The following PCSK9 variants were observed in gnomAD, a reference collection of about 807,000 sequenced individuals.
PCSK9 encodes the protein convertase subtilisin/kexin type 9 preproprotein.
Under a neutral mutation model 62.1 loss-of-function variants are expected in PCSK9, and 57 were observed. That is an observed-to-expected ratio of 0.92 (90% CI 0.74 to 1.14). The LOEUF is 1.14. PCSK9 is among the 50% of genes most tolerant of loss of function. PCSK9 has a pLI of 0.00. For missense variants in PCSK9, 870 were observed against 959.8 expected (o/e 0.91, Z 1.24); for synonymous variants, 387 against 409.4 (o/e 0.95, Z 0.66).
intron 11 of PCSK9, among the ~76,000 whole-genome samples, chr1:55,062,177 G>A (rs747243416): frequency 2.5e-4 from 38 of 152,380 alleles, no homozygotes; most frequent in Non-Finnish European, 5.0e-4. Context: ...CCAAGCCCTG[G>A]AATGTGACAG....
chr1:55,058,732 T>C, intron 9 of PCSK9, 85 bp downstream of exon 9: 1 of 1,539,044 alleles, frequency 6.5e-7, no homozygotes. Flanking sequence ...TGCTGGGCCC[T>C]CAGGGACCCC....
In PCSK9 at chr1:55,044,533, G is replaced by C. The variant is rs192624952; in HGVS notation, c.399+499G>C. On this transcript the variant is annotated intron_variant, in intron 2 of 11. Coordinates refer to ENST00000302118, the MANE Select transcript of PCSK9 (RefSeq NM_174936.4). ...CCTCCCTCCTGGATGTCACATCTTCGGTGGAGGGGCAGAAAGGGGACTGGG... is the reference window on the plus strand; with the variant it reads ...CCTCCCTCCTGGATGTCACATCTTCCGTGGAGGGGCAGAAAGGGGACTGGG... Among the ~76,000 whole-genome samples, 19 of 152,220 alleles carry C rather than the reference G, an allele frequency of 1.2e-4. No homozygotes were observed. The East Asian group carries it at 3.7e-3, about 29-fold the overall frequency.
chr1:55,044,522 G>A (rs1644619820), intron 2 of PCSK9, among the ~76,000 whole-genome samples: 1 of 152,148 alleles, frequency 6.6e-6, no homozygotes, highest in Admixed American at 6.5e-5. Flanking sequence ...CCTCCTGGAT[G>A]TCACATCTTC....
At chr1:55,056,884 G>A (rs1296073062) in intron 6 of PCSK9, among the ~76,000 whole-genome samples, 1 of 152,116 alleles carries the variant, frequency 6.6e-6, no homozygotes, top group African/African-American at 2.4e-5. Flanking sequence ...CGCGCGCGTT[G>A]GGGGTGGGGG....
chr1:55,058,076 C>G lies in PCSK9; in HGVS notation c.1221C>G (p.Thr407=), dbSNP rs1473469237. The G allele has an allele frequency of 1.2e-6, 2 of 1,613,774 alleles. No homozygotes were observed. Among genetic ancestry groups the G allele is most frequent in the Non-Finnish European group, 1.7e-6 (2 of 1,180,034 alleles). ...TGCTGTCTGCCGAGCCGGAGCTCACCCTGGCCGAGTTGAGGCAGAGACTGA... is the reference window on the plus strand; with the variant it reads ...TGCTGTCTGCCGAGCCGGAGCTCACGCTGGCCGAGTTGAGGCAGAGACTGA... ...AMMLSAEPEL[T]LAELRQRLIH... The change falls in exon 8 of 12, where the codon ACC becomes ACG. Residue 407 remains threonine (T), a synonymous_variant. Transcript: ENST00000302118.
Position 55,043,911 on chromosome 1 carries a change from G to A in PCSK9, c.276G>A (p.Glu92=), listed in dbSNP as rs147865087. The part of the protein sequence containing the change: ...LKEETHLSQS[E]RTARRLQAQA... Reference sequence around the variant, plus strand: ...AGGAGACCCACCTCTCGCAGTCAGAGCGCACTGCCCGCCGCCTGCAGGCCC... The same window carrying A: ...AGGAGACCCACCTCTCGCAGTCAGAACGCACTGCCCGCCGCCTGCAGGCCC... Residue 92 remains glutamate, a synonymous_variant, in exon 2 of 12, where the codon GAG becomes GAA. Coordinates refer to ENST00000302118, the MANE Select transcript of PCSK9 (RefSeq NM_174936.4). 2.0e-4 allele frequency: 320 copies of A among 1,614,194 alleles called. 4 individuals are homozygous for A. Among genetic ancestry groups the A allele is most frequent in the South Asian group, 8.3e-4 (76 of 91,088 alleles).
intron 3 of PCSK9, among the ~76,000 whole-genome samples, chr1:55,048,360 G>T (rs1644649174): frequency 6.6e-6 from 1 of 152,176 alleles, no homozygotes; most frequent in African/African-American, 2.4e-5. Flanking sequence ...TCCAAATAAG[G>T]TCACAGCCAC....
Position 55,059,595 on chromosome 1 carries a change from C to G in PCSK9, c.1613C>G (p.Thr538Arg). 1 of 1,552,968 alleles carries G rather than the reference C, an allele frequency of 6.4e-7. No individual in the cohort carries two copies. The highest frequency in any genetic ancestry group is 2.4e-5 in the East Asian group (1 of 41,268). Residue 538 changes from threonine to arginine, a missense_variant, in exon 10 of 12, where the codon ACA (threonine) becomes AGA (arginine). Transcript: ENST00000302118. ...LLPQANCSVH[T>R]APPAEASMGT... ...CCCCAGGCCAACTGCAGCGTCCACA[C>G]AGCTCCACCAGCTGAGGCCAGCATG...
At chr1:55,048,419 C>T (rs1644650409) in intron 3 of PCSK9, among the ~76,000 whole-genome samples, 2 of 152,224 alleles carry the variant, frequency 1.3e-5, no homozygotes, top group Admixed American at 6.5e-5. Flanking sequence ...AGCCACTGTT[C>T]CCTCCTCTCC....
At chr1:55,057,590 TC>T in intron 7 of PCSK9, 76 bp downstream of exon 7, 1 of 1,502,348 alleles carries the variant, frequency 6.7e-7, no homozygotes, top group Non-Finnish European at 9.0e-7. Context: ...TGCCGGGACC[TC>T]CAGTGCCAGG....
intron 7 of PCSK9, 51 bp downstream of exon 7, chr1:55,057,565 G>C (rs1305972323): frequency 6.4e-7 from 1 of 1,558,958 alleles, no homozygotes; most frequent in South Asian, 1.2e-5. Context: ...CAGCCCCTTT[G>C]GCAGTCAGGG....
intron 2 of PCSK9, among the ~76,000 whole-genome samples, chr1:55,045,470 G>T (rs888783210): frequency 1.3e-5 from 2 of 152,178 alleles, no homozygotes; most frequent in Non-Finnish European, 2.9e-5. Flanking sequence ...TCGCTGAAGT[G>T]GGGGCAGGTT....
At chr1:55,055,239 A>C (rs1268547085) in intron 5 of PCSK9, among the ~76,000 whole-genome samples, 1 of 152,188 alleles carries the variant, frequency 6.6e-6, no homozygotes, top group Non-Finnish European at 1.5e-5. Context: ...GTGAGTGGGC[A>C]GCCAAGACTC....
At chr1:55,056,260 G>T in intron 6 of PCSK9, 71 bp downstream of exon 6, 1 of 471,276 alleles carries the variant, frequency 2.1e-6, no homozygotes, top group South Asian at 3.5e-5. Context: ...GAGGGCGGGC[G>T]GGCAGGCGGG....
At chr1:55,061,264 G>A in intron 10 of PCSK9, 111 bp from the exon 11 acceptor site, 1 of 1,234,328 alleles carries the variant, frequency 8.1e-7, no homozygotes, top group Non-Finnish European at 1.1e-6. Flanking sequence ...GTTGTTTCTA[G>A]GTTTCCTAGC....
At chr1:55,061,623 C>T in intron 11 of PCSK9, 67 bp downstream of exon 11, 1 of 1,534,598 alleles carries the variant, frequency 6.5e-7, no homozygotes, top group East Asian at 2.4e-5. Flanking sequence ...TTTTCTGTGT[C>T]AGTTTGTGCC....
intron 9 of PCSK9, 126 bp downstream of exon 9, chr1:55,058,773 C>T (rs2100327866): frequency 6.6e-7 from 1 of 1,517,988 alleles, no homozygotes; most frequent in Non-Finnish European, 8.9e-7. Context: ...CAGACTCCAG[C>T]TCTTCTGTAA....
chr1:55,045,299 C>T (rs1227863527), intron 2 of PCSK9, among the ~76,000 whole-genome samples: 2 of 152,152 alleles, frequency 1.3e-5, no homozygotes, highest in Non-Finnish European at 2.9e-5. Context: ...AGCCTGGGTT[C>T]GAGTCCTGCC....
chr1:55,059,764 C>G, intron 10 of PCSK9, 101 bp downstream of exon 10: 4 of 1,423,336 alleles, frequency 2.8e-6, no homozygotes, highest in African/African-American at 2.8e-5. Flanking sequence ...CCATGAGACT[C>G]AAGCCTGACT....
Sources: gnomAD v4.1 joint callset for allele counts (sites outside exome capture counted in the v4.1 genomes callset) on GRCh38, gnomAD v4.1.1 for gene constraint, MANE v1.5 for transcripts, NCBI Gene and HGNC (gene_info 2026-07-23, HGNC 2026-07-21) for gene names.